Variants in NCK2 observed in about 807,000 individuals in gnomAD.
NCK2 encodes the protein NCK adaptor protein 2.
In NCK2, 16 loss-of-function variants were observed where a neutral mutation model predicts 33.9. The observed-to-expected ratio is 0.47, with a 90% CI of 0.32 to 0.72. NCK2 has a LOEUF of 0.72. Among genes scored for constraint, NCK2 ranks in the 30% least tolerant of loss-of-function variants. The pLI is 0.03. For synonymous variants in NCK2, 273 were observed against 239.9 expected, an observed-to-expected ratio of 1.14 and a Z score of -1.27; for missense variants, 418 against 537.3, an observed-to-expected ratio of 0.78 and a Z score of 2.19.
intron 1 of NCK2, among the ~76,000 whole-genome samples, chr2:105,776,920 C>A (rs1385305479): frequency 1.3e-5 from 2 of 151,386 alleles, no homozygotes; most frequent in Non-Finnish European, 2.9e-5. Context: ...TAAATGGAAA[C>A]CTCCTAGGGG....
chr2:105,789,794 T>G (rs115270471), intron 1 of NCK2, among the ~76,000 whole-genome samples: 2,853 of 152,294 alleles, frequency 0.019, 51 homozygotes, highest in Non-Finnish European at 0.022. Context: ...ACCCCCAGTT[T>G]CTGCCTCAGT....
chr2:105,832,393 T>A (rs951986274), intron 2 of NCK2, among the ~76,000 whole-genome samples: 2 of 152,232 alleles, frequency 1.3e-5, no homozygotes, highest in Non-Finnish European at 2.9e-5. Flanking sequence ...GGCATTCTTA[T>A]ATTTTTCCAG....
chr2:105,745,451 G>T (rs1355197240), intron 1 of NCK2, among the ~76,000 whole-genome samples: 1 of 151,948 alleles, frequency 6.6e-6, no homozygotes, highest in East Asian at 1.9e-4. Context: ...GGGCCCGGCT[G>T]CGGGGCCCGG....
chr2:105,870,361 T>A (rs1677949132), intron 3 of NCK2, among the ~76,000 whole-genome samples: 1 of 152,236 alleles, frequency 6.6e-6, no homozygotes, highest in Non-Finnish European at 1.5e-5. Context: ...GGCATGAGGC[T>A]TCTTCCTCCC....
At chr2:105,772,238 A>G (rs1690158263) in intron 1 of NCK2, among the ~76,000 whole-genome samples, 1 of 152,028 alleles carries the variant, frequency 6.6e-6, no homozygotes, top group African/African-American at 2.4e-5. Flanking sequence ...CCATAGATTT[A>G]TTTAGACTGT....
rs1445013870 is a variant in NCK2, at chr2:105,881,730, C to A, written c.629C>A (p.Thr210Asn). ...ACGCTGTACCCCTTCAGCTCAGTCA[C>A]CGAGGAGGAGCTCAACTTCGAGAAG... The part of the protein sequence containing the change: ...VQTLYPFSSV[T>N]EEELNFEKGE... The change falls in exon 4 of 5, where the codon ACC becomes AAC. Residue 210 changes from threonine to asparagine, a missense_variant. By Grantham distance (65) the Thr-to-Asn change is moderately conservative. Transcript: ENST00000233154. The A allele has an allele frequency of 1.2e-6, 2 of 1,614,116 alleles. No individual in the cohort carries two copies. Among genetic ancestry groups the A allele is most frequent in the Non-Finnish European group, 8.5e-7 (1 of 1,180,044 alleles).
intron 1 of NCK2, among the ~76,000 whole-genome samples, chr2:105,789,664 T>C (rs1573595250): frequency 1.3e-5 from 2 of 152,238 alleles, no homozygotes; most frequent in South Asian, 2.1e-4. Context: ...AAAGCACTTA[T>C]TGTCCATCAT....
chr2:105,773,058 A>T (rs1339214581), intron 1 of NCK2, among the ~76,000 whole-genome samples: 1 of 145,624 alleles, frequency 6.9e-6, no homozygotes, highest in Non-Finnish European at 1.5e-5. Flanking sequence ...CACTCAGCAA[A>T]TTTTTTTTTT....
intron 2 of NCK2, among the ~76,000 whole-genome samples, chr2:105,819,951 C>G (rs1675660720): frequency 6.6e-6 from 1 of 152,284 alleles, no homozygotes; most frequent in Admixed American, 6.5e-5. Flanking sequence ...GTCCCAGCCA[C>G]CTTTCCCCAT....
intron 2 of NCK2, among the ~76,000 whole-genome samples, chr2:105,853,357 A>G (rs191240349): frequency 8.3e-4 from 127 of 152,360 alleles, no homozygotes; most frequent in East Asian, 3.5e-3. Context: ...CTGGATATAT[A>G]ATACACGCAT....
Position 105,881,981 on chromosome 2 carries a change from C to T in NCK2, c.880C>T (p.Gln294Ter). 1 of 1,520,098 alleles carries T rather than the reference C, an allele frequency of 6.6e-7. No individual in the cohort carries two copies. The highest frequency in any genetic ancestry group is 8.8e-7 in the Non-Finnish European group (1 of 1,134,914). The allele number at this position is 1,520,098 out of a possible 1,614,324, so 94.2% of individuals were successfully genotyped here. A position where few individuals can be genotyped will look rare whatever the true frequency, so the allele number is the denominator to read the frequency against. ...GTACTACGGGAACGTGACGCGGCAC[C>T]AGGCCGAGTGCGCCCTCAACGAGCG... ...EWYYGNVTRH[Q>*]AECALNERGV... Residue 294 changes from glutamine (Q) to a stop codon, truncating the protein, a stop_gained, in exon 4 of 5, where the codon CAG becomes TAG. Transcript: ENST00000233154. LOFTEE classifies it high-confidence loss of function.
At chr2:105,789,233 G>T (rs909151215) in intron 1 of NCK2, among the ~76,000 whole-genome samples, 2 of 151,960 alleles carry the variant, frequency 1.3e-5, no homozygotes, top group African/African-American at 4.8e-5. Context: ...TATTGACCAG[G>T]CTGGAGTGTA....
intron 1 of NCK2, among the ~76,000 whole-genome samples, chr2:105,766,827 G>A (rs1689964321): frequency 6.6e-6 from 1 of 152,190 alleles, no homozygotes; most frequent in South Asian, 2.1e-4. Context: ...ATTTCCATCT[G>A]TAGTGAGTAG....
chr2:105,888,977 C>G (rs1009191389), intron 4 of NCK2, among the ~76,000 whole-genome samples: 3 of 152,236 alleles, frequency 2.0e-5, no homozygotes, highest in African/African-American at 7.2e-5. Flanking sequence ...TATCAGTACT[C>G]TAGTACTTGT....
intron 2 of NCK2, among the ~76,000 whole-genome samples, chr2:105,821,718 G>A (rs13008961): frequency 4.2e-4 from 64 of 152,040 alleles, no homozygotes; most frequent in African/African-American, 1.3e-3. Flanking sequence ...ATCTCTAGTC[G>A]CAAATGCAGA....
intron 3 of NCK2, among the ~76,000 whole-genome samples, chr2:105,861,987 T>C (rs1677557271): frequency 7.2e-6 from 1 of 139,812 alleles, no homozygotes; most frequent in Non-Finnish European, 1.5e-5. Context: ...CTACAAGAAG[T>C]AGCAGGTGGG....
At chr2:105,827,419 T>C (rs114663145) in intron 2 of NCK2, among the ~76,000 whole-genome samples, 2,643 of 152,230 alleles carry the variant, frequency 0.017, 39 homozygotes, top group Non-Finnish European at 0.021. Context: ...ATCTCCATAC[T>C]CTTCTCAACA....
At chr2:105,860,561 A>G (rs1677481845) in intron 3 of NCK2, among the ~76,000 whole-genome samples, 1 of 152,140 alleles carries the variant, frequency 6.6e-6, no homozygotes, top group South Asian at 2.1e-4. Flanking sequence ...ATGTAGTCAG[A>G]ACCGCATGGG....
At chr2:105,869,890 A>T (rs1307266655) in intron 3 of NCK2, among the ~76,000 whole-genome samples, 1 of 152,204 alleles carries the variant, frequency 6.6e-6, no homozygotes, top group African/African-American at 2.4e-5. Flanking sequence ...CACATTTGTG[A>T]GAAAATTCTA....
Sources: gnomAD v4.1 joint callset for allele counts (sites outside exome capture counted in the v4.1 genomes callset) on GRCh38, gnomAD v4.1.1 for gene constraint, MANE v1.5 for transcripts, NCBI Gene and HGNC (gene_info 2026-07-23, HGNC 2026-07-21) for gene names.